Variants in ZDHHC11 observed in about 807,000 individuals in gnomAD.
The protein encoded by ZDHHC11 is zDHHC palmitoyltransferase 11.
In ZDHHC11, 44 loss-of-function variants were observed where a neutral mutation model predicts 51.3. The ratio of observed to expected loss-of-function variants is 0.86; its 90% CI spans 0.67 to 1.10. The LOEUF is 1.10. Among genes scored for constraint, ZDHHC11 ranks in the 50% least tolerant of loss-of-function variants. The pLI, the probability that ZDHHC11 is intolerant of heterozygous loss-of-function variation, is 0.00. For synonymous variants in ZDHHC11, 163 were observed against 222.0 expected (o/e 0.73, Z 2.36); for missense variants, 400 against 537.7 (o/e 0.74, Z 2.53).
At chr5:809,014 C>CACACACACACACACAG (rs1554050773) in intron 11 of ZDHHC11, among the ~76,000 whole-genome samples, 1 of 139,026 alleles carries the variant, frequency 7.2e-6, no homozygotes, top group African/African-American at 2.7e-5. Flanking sequence ...CACACACACA[C>CACACACACACACACAG]GCACACTATT....
chr5:818,812 T>C (rs1354115864), intron 10 of ZDHHC11, among the ~76,000 whole-genome samples: 1 of 151,394 alleles, frequency 6.6e-6, no homozygotes, highest in African/African-American at 2.4e-5. Flanking sequence ...AGTGAGCCAT[T>C]ATCCCACCAC....
At chr5:859,851 G>T (rs943521569), upstream of ZDHHC11, among the ~76,000 whole-genome samples, 2 of 152,108 alleles carry the variant, frequency 1.3e-5, no homozygotes, top group Non-Finnish European at 2.9e-5. Context: ...TGTCGGTTGG[G>T]GGGGGTCCCC....
intron 7 of ZDHHC11, among the ~76,000 whole-genome samples, chr5:828,065 T>C (rs1353825952): frequency 6.6e-6 from 1 of 151,508 alleles, no homozygotes; most frequent in East Asian, 1.9e-4. Context: ...GGTAAGGTCA[T>C]AGATCAACAG....
chr5:797,073 G>T lies in ZDHHC11; in HGVS notation c.*8-493C>A, dbSNP rs1178586680. On this transcript the variant is annotated intron_variant, in intron 12 of 12. Transcript: ENST00000283441. ...ATACAAAAAATTAGCTGGGTGTGGT[G>T]GTGGGCAACTGTAGGCCCAGCTACT... Among the ~76,000 whole-genome samples, 13 of 151,022 alleles carry T rather than the reference G, an allele frequency of 8.6e-5. 1 individual carries two copies. Among genetic ancestry groups the T allele is most frequent in the Non-Finnish European group, 1.5e-5 (1 of 67,640 alleles).
intron 11 of ZDHHC11, among the ~76,000 whole-genome samples, chr5:804,946 C>T (rs1739035045): frequency 1.3e-5 from 2 of 151,332 alleles, no homozygotes; most frequent in South Asian, 4.2e-4. Flanking sequence ...ATAAAGAACA[C>T]AGGTAAATAT....
intron 7 of ZDHHC11, among the ~76,000 whole-genome samples, chr5:828,626 TTAA>T (rs1742660641): frequency 6.6e-6 from 1 of 151,370 alleles, no homozygotes; most frequent in African/African-American, 2.4e-5. Flanking sequence ...AACAATGACC[TTAA>T]ACTATATCCT....
In ZDHHC11 at chr5:796,361, T is replaced by A. The variant is rs1737573586; in HGVS notation, c.*227A>T. On this transcript the variant is annotated 3_prime_UTR_variant, in exon 13 of 13. Transcript: ENST00000283441. ...AACCCTCCTGCAAGGCTGGCTCTTC[T>A]TTGGGTGTGATGAAGATGATGACAG... The A allele has an allele frequency of 1.3e-5, 2 of 152,692 alleles. No individual in the cohort carries two copies. Among genetic ancestry groups the A allele is most frequent in the Non-Finnish European group, 3.0e-5 (2 of 67,634 alleles). 9.5% of individuals were successfully genotyped at this position (152,692 alleles called of 1,614,324 possible).
rs1554050773 is a variant in ZDHHC11, at chr5:809,014, C to CACACAT, written c.1181+5746_1181+5747insATGTGT. Among the ~76,000 whole-genome samples, 128 of 139,102 alleles carry CACACAT rather than the reference C, an allele frequency of 9.2e-4. 1 individual carries two copies. Among genetic ancestry groups the CACACAT allele is most frequent in the African/African-American group, 2.6e-3 (98 of 37,330 alleles). The allele number at this position is 139,102 out of a possible 152,430, so 91.3% of individuals were successfully genotyped here. On this transcript the variant is annotated intron_variant, in intron 11 of 12. Coordinates refer to ENST00000283441, the MANE Select transcript of ZDHHC11 (RefSeq NM_024786.3). ...ACACACACACACACACACACACACA[C>CACACAT]GCACACTATTTATTCCCCACCTGTC...
chr5:815,879 G>C (rs911325325), intron 10 of ZDHHC11, among the ~76,000 whole-genome samples: 2 of 151,548 alleles, frequency 1.3e-5, no homozygotes, highest in Non-Finnish European at 3.0e-5. Context: ...AAAGTGCTGG[G>C]ATTTCAGGCA....
intron 11 of ZDHHC11, 137 bp from the exon 12 acceptor site, chr5:801,301 T>G: frequency 2.8e-6 from 3 of 1,084,292 alleles, no homozygotes; most frequent in South Asian, 3.0e-5. Context: ...ACTTCACCTC[T>G]CTGAGTTTCA....
chr5:844,467 G>A (rs1348044987), intron 3 of ZDHHC11, among the ~76,000 whole-genome samples: 4 of 152,274 alleles, frequency 2.6e-5, no homozygotes, highest in African/African-American at 9.6e-5. Flanking sequence ...TGGGGCCTCT[G>A]CCCGCACCTC....
chr5:848,760 G>A (rs1746656660), intron 1 of ZDHHC11, 100 bp from the exon 2 acceptor site: 3 of 1,513,456 alleles, frequency 2.0e-6, no homozygotes, highest in Middle Eastern at 2.4e-4. Context: ...CCGCTGGTCA[G>A]CCCTGCTCAC....
chr5:829,459 G>A (rs1270128610), intron 7 of ZDHHC11, among the ~76,000 whole-genome samples: 1 of 151,904 alleles, frequency 6.6e-6, no homozygotes, highest in Admixed American at 6.6e-5. Context: ...GGAAGAAATA[G>A]AAACTCTTAA....
chr5:846,244 G>C (rs1274252990), intron 3 of ZDHHC11, among the ~76,000 whole-genome samples: 1 of 151,172 alleles, frequency 6.6e-6, no homozygotes, highest in Non-Finnish European at 1.5e-5. Context: ...ATGGCAGGGA[G>C]GCAGGGCAGG....
intron 3 of ZDHHC11, among the ~76,000 whole-genome samples, chr5:845,783 C>T (rs1296414914): frequency 2.6e-5 from 4 of 151,240 alleles, no homozygotes; most frequent in Non-Finnish European, 2.9e-5. Context: ...GCACAGATGC[C>T]GGCGTTGGCT....
intron 3 of ZDHHC11, among the ~76,000 whole-genome samples, chr5:847,085 A>T (rs1349995046): frequency 7.1e-6 from 1 of 141,034 alleles, no homozygotes; most frequent in Non-Finnish European, 1.5e-5. Context: ...TCAGGGAAAC[A>T]CCTCTCATCT....
At chr5:803,051 T>C (rs1738718497) in intron 11 of ZDHHC11, among the ~76,000 whole-genome samples, 1 of 149,088 alleles carries the variant, frequency 6.7e-6, no homozygotes, top group Admixed American at 6.7e-5. Flanking sequence ...AAGGAGAAGC[T>C]GCTGGTCTTT....
rs72491312 is a variant in ZDHHC11, at chr5:809,014, C to T, written c.1181+5747G>A. ...ACACACACACACACACACACACACA[C>T]GCACACTATTTATTCCCCACCTGTC... is the stretch of plus-strand genomic sequence containing the variant. On this transcript the variant is annotated intron_variant, in intron 11 of 12. Coordinates refer to ENST00000283441, the MANE Select transcript of ZDHHC11 (RefSeq NM_024786.3). Among the ~76,000 whole-genome samples the T allele has an allele frequency of 3.2e-3, 451 of 138,922 alleles. 5 individuals carry two copies. The highest frequency in any genetic ancestry group is 4.5e-3 in the Non-Finnish European group (282 of 63,008). The allele number at this position is 138,922 out of a possible 152,430, so 91.1% of individuals were successfully genotyped here.
At chr5:846,763 CTCAGGGGAAACACCTCTCGTCTATGA>C (rs1746262735) in intron 3 of ZDHHC11, among the ~76,000 whole-genome samples, 1 of 146,812 alleles carries the variant, frequency 6.8e-6, no homozygotes, top group African/African-American at 2.6e-5. Flanking sequence ...CTCCACCGTG[CTCAGGGGAAACACCTCTCGTCTATGA>C]GCCTCCACCG....
Sources: allele counts gnomAD v4.1 joint callset (sites outside exome capture counted in the v4.1 genomes callset), GRCh38; gene constraint gnomAD v4.1.1; transcripts MANE v1.5; gene names NCBI Gene and HGNC (gene_info 2026-07-23, HGNC 2026-07-21).